The following PTPN12 variants were observed in gnomAD, a reference collection of about 807,000 sequenced individuals.
PTPN12 encodes protein tyrosine phosphatase non-receptor type 12.
PTPN12 carries 29 observed loss-of-function variants against 97.6 expected under a neutral mutation model. The observed-to-expected ratio is 0.30, with a 90% CI of 0.22 to 0.41. The LOEUF (loss-of-function observed/expected upper bound fraction) is 0.41, where lower values mean the gene tolerates loss of function less well. Ranked by LOEUF, PTPN12 falls within the 10% of genes least tolerant of loss-of-function variation. The probability of loss-of-function intolerance (pLI) is 1.00; values close to 1 mark genes in which losing one functional copy is unlikely to be tolerated. For missense variants in PTPN12, 819 were observed against 926.0 expected (o/e 0.88, Z 1.50); for synonymous variants, 327 against 300.4 (o/e 1.09, Z -0.91).
At chr7:77,591,835 T>A (rs192746010) in intron 5 of PTPN12, among the ~76,000 whole-genome samples, 257 of 152,348 alleles carry the variant, frequency 1.7e-3, no homozygotes, top group Non-Finnish European at 2.7e-3. Flanking sequence ...CAATACAACT[T>A]ACCTAGCAAC....
chr7:77,601,002 G>T, intron 8 of PTPN12, 196 bp downstream of exon 8: 2 of 515,434 alleles, frequency 3.9e-6, no homozygotes, highest in Non-Finnish European at 6.8e-6. Flanking sequence ...TTAAAACACA[G>T]GATCATCTAT....
At chr7:77,612,219 G>A (rs900018357) in intron 11 of PTPN12, among the ~76,000 whole-genome samples, 4 of 151,878 alleles carry the variant, frequency 2.6e-5, no homozygotes, top group South Asian at 2.1e-4. Context: ...ATCTAATATC[G>A]GTCCATGAGT....
chr7:77,540,386 T>C (rs1053288010), intron 1 of PTPN12, among the ~76,000 whole-genome samples: 4 of 151,858 alleles, frequency 2.6e-5, no homozygotes, highest in African/African-American at 9.7e-5. Context: ...TACAGGCGCA[T>C]GCCACCACGC....
Position 77,635,869 on chromosome 7 carries a change from G to T in PTPN12, c.2142+20G>T, listed in dbSNP as rs779470637. 1.3e-6 allele frequency: 2 copies of T among 1,556,334 alleles called. No individual in the cohort carries two copies. The highest frequency in any genetic ancestry group is 1.2e-5 in the South Asian group (1 of 85,722). On this transcript the variant is annotated intron_variant, in intron 15 of 17. Coordinates refer to ENST00000248594, the MANE Select transcript of PTPN12 (RefSeq NM_002835.4). ...TCTGAAGTAAGTCCTTTTGGAATTG[G>T]AACAGTTATAGCTTAACATTTCTAC...
rs1218191468 is a variant in PTPN12, at chr7:77,625,468, G to GCGCTCT, written c.1026-1236_1026-1235insGCTCTC. Among the ~76,000 whole-genome samples, 45 of 24,742 alleles carry GCGCTCT rather than the reference G, an allele frequency of 1.8e-3. 3 individuals are homozygous for GCGCTCT. Among genetic ancestry groups the GCGCTCT allele is most frequent in the Non-Finnish European group, 2.1e-3 (33 of 15,566 alleles). 16.2% of individuals were successfully genotyped at this position (24,742 alleles called of 152,430 possible). A position where few individuals can be genotyped will look rare whatever the true frequency, so the allele number is the denominator to read the frequency against. On this transcript the variant is annotated intron_variant, in intron 12 of 17. Transcript: ENST00000248594. ...AGGGTTTTGCCATATTGCCCAGGCT[G>GCGCTCT]CTCGCTCTCTCTCTCTCTCTCTCTC...
chr7:77,628,026 G>A (rs1426550700), intron 13 of PTPN12, among the ~76,000 whole-genome samples: 1 of 152,126 alleles, frequency 6.6e-6, no homozygotes, highest in Non-Finnish European at 1.5e-5. Flanking sequence ...AAATAACAGT[G>A]GCAAAAATAC....
chr7:77,597,347 T>A (rs1584165736), intron 6 of PTPN12, among the ~76,000 whole-genome samples: 1 of 152,264 alleles, frequency 6.6e-6, no homozygotes, highest in East Asian at 1.9e-4. Context: ...GGTCTCGAAC[T>A]CCTGACCTCA....
intron 12 of PTPN12, 109 bp downstream of exon 12, chr7:77,618,674 A>G (rs1174661861): frequency 2.6e-6 from 2 of 782,208 alleles, no homozygotes; most frequent in Non-Finnish European, 4.0e-6. Flanking sequence ...AACTTTTATT[A>G]TTATTTTGTT....
At chr7:77,551,793 T>TA (rs556147578) in intron 1 of PTPN12, among the ~76,000 whole-genome samples, 37 of 152,362 alleles carry the variant, frequency 2.4e-4, no homozygotes, top group African/African-American at 8.4e-4. Context: ...ACTGATATCT[T>TA]ATACTTCTTA....
intron 13 of PTPN12, 96 bp downstream of exon 13, chr7:77,627,771 C>T (rs1482398640): frequency 8.0e-7 from 1 of 1,250,774 alleles, no homozygotes; most frequent in Non-Finnish European, 1.1e-6. Flanking sequence ...TTTTATTCCA[C>T]ACTCTACCAT....
intron 4 of PTPN12, 23 bp from the exon 5 acceptor site, chr7:77,585,520 C>T (rs1341358143): frequency 6.3e-7 from 1 of 1,596,392 alleles, no homozygotes; most frequent in Non-Finnish European, 8.6e-7. Flanking sequence ...TTCTTTATCT[C>T]ACTCCCCACC....
chr7:77,633,771 G>T (rs1483923533), intron 14 of PTPN12, among the ~76,000 whole-genome samples: 1 of 151,744 alleles, frequency 6.6e-6, no homozygotes, highest in Non-Finnish European at 1.5e-5. Context: ...ACCTGTAATC[G>T]CAGCACTTTG....
chr7:77,624,620 T>C (rs1193032271), intron 12 of PTPN12, among the ~76,000 whole-genome samples: 3 of 151,702 alleles, frequency 2.0e-5, no homozygotes, highest in Non-Finnish European at 4.4e-5. Flanking sequence ...TTTGTGTTTT[T>C]AGTAGAGACG....
intron 2 of PTPN12, among the ~76,000 whole-genome samples, chr7:77,580,899 A>G (rs537955099): frequency 3.9e-5 from 6 of 152,190 alleles, no homozygotes; most frequent in Non-Finnish European, 8.8e-5. Flanking sequence ...ATGTTTGTTA[A>G]AAGCTGCAGA....
intron 1 of PTPN12, among the ~76,000 whole-genome samples, chr7:77,540,399 G>A (rs539266454): frequency 1.3e-5 from 2 of 151,828 alleles, no homozygotes; most frequent in East Asian, 1.9e-4. Context: ...CACCACGCCT[G>A]GCTAATTTTT....
intron 2 of PTPN12, among the ~76,000 whole-genome samples, chr7:77,572,381 T>C (rs1254103851): frequency 6.6e-6 from 1 of 152,200 alleles, no homozygotes; most frequent in Non-Finnish European, 1.5e-5. Context: ...AGGAAGAATA[T>C]TGATTATTCA....
chr7:77,610,818 A>G lies in PTPN12; in HGVS notation c.816A>G (p.Gln272=). The G allele has an allele frequency of 6.2e-7, 1 of 1,608,576 alleles. No homozygotes were observed. The highest frequency in any genetic ancestry group is 1.3e-5 in the African/African-American group (1 of 74,678). ...ATTTAATACAAGAAATGAGAACACA[A>G]AGGCATTCTGCAGTACAAACAAAGG... ...VFNLIQEMRT[Q]RHSAVQTKEQ... Residue 272 remains glutamine (Q), a synonymous_variant, in exon 10 of 18, where the codon CAA becomes CAG. Coordinates refer to ENST00000248594, the MANE Select transcript of PTPN12 (RefSeq NM_002835.4).
intron 8 of PTPN12, among the ~76,000 whole-genome samples, chr7:77,604,209 C>CATTTT (rs1554320981): frequency 2.5e-4 from 13 of 52,788 alleles, no homozygotes; most frequent in South Asian, 1.0e-3. Flanking sequence ...TTTTTTCTTC[C>CATTTT]TTTTTTTTTT....
At chr7:77,567,819 C>A (rs1011210987) in intron 1 of PTPN12, among the ~76,000 whole-genome samples, 1 of 152,144 alleles carries the variant, frequency 6.6e-6, no homozygotes, top group Non-Finnish European at 1.5e-5. Flanking sequence ...TAATAGTTAA[C>A]ATTTATTGAG....
Sources: gnomAD v4.1 joint callset for allele counts (sites outside exome capture counted in the v4.1 genomes callset) on GRCh38, gnomAD v4.1.1 for gene constraint, MANE v1.5 for transcripts, NCBI Gene and HGNC (gene_info 2026-07-23, HGNC 2026-07-21) for gene names.